STUM: variants seen among roughly 807,000 people sequenced by gnomAD.
STUM encodes protein stum homolog.
In STUM, 8 loss-of-function variants were observed where a neutral mutation model predicts 15.3. The observed-to-expected ratio is 0.52, with a 90% confidence interval of 0.31 to 0.94. STUM has a LOEUF of 0.94. STUM is among the 40% of genes least tolerant of loss of function. STUM has a pLI of 0.05. For synonymous variants in STUM, 78 were observed against 88.7 expected, an observed-to-expected ratio of 0.88 and a Z score of 0.68; for missense variants, 142 against 204.9, an observed-to-expected ratio of 0.69 and a Z score of 1.87.
rs576004724 is a variant in STUM, at chr1:226,588,238, A to G, written c.203-8564A>G. Among the ~76,000 whole-genome samples, 23 of 152,316 alleles carry G rather than the reference A, an allele frequency of 1.5e-4. No homozygotes were observed. In the South Asian group the frequency reaches 4.8e-3, roughly 32 times the overall value. On this transcript the variant is annotated intron_variant, in intron 1 of 3. Coordinates refer to ENST00000366788, the MANE Select transcript of STUM (RefSeq NM_001003665.4). ...ACTTTCTAGGGGAATGACTCGGTGC[A>G]GTTCTAGGGGAAGACACAGCCCCTC...
chr1:226,589,820 CAG>C (rs1414077579), intron 1 of STUM, among the ~76,000 whole-genome samples: 14 of 152,146 alleles, frequency 9.2e-5, no homozygotes, highest in Admixed American at 9.2e-4. Flanking sequence ...AGCCGTTGGA[CAG>C]AGTGAAAGGC....
intron 1 of STUM, among the ~76,000 whole-genome samples, chr1:226,579,331 C>A (rs548326243): frequency 4.2e-4 from 64 of 152,336 alleles, no homozygotes; most frequent in Middle Eastern, 3.4e-3. Flanking sequence ...TGCCAGCTCC[C>A]AACACATGAG....
chr1:226,572,912 A>G (rs959091224), intron 1 of STUM, among the ~76,000 whole-genome samples: 2 of 152,228 alleles, frequency 1.3e-5, no homozygotes, highest in Non-Finnish European at 2.9e-5. Flanking sequence ...CTCAGAGGCA[A>G]GAGGGACTCT....
Position 226,549,067 on chromosome 1 carries a change from G to T in STUM, c.163G>T (p.Val55Phe). The change falls in exon 1 of 4, where the codon GTC becomes TTC. Residue 55 changes from valine (V) to phenylalanine (F), a missense_variant. Val to Phe is a conservative substitution (Grantham distance 50). Transcript: ENST00000366788. The surrounding 1 kb of genome is among the most constrained non-coding windows in gnomAD (Gnocchi z 6.8). ...CCCCTACATGCCCTTCCCCGTGGCC[G>T]TCATCTGCCTCTTCCTCAACACTTT... ...AIPYMPFPVA[V>F]ICLFLNTFVP... The T allele has an allele frequency of 6.3e-7, 1 of 1,580,462 alleles. No individual in the cohort carries two copies. Among genetic ancestry groups the T allele is most frequent in the Non-Finnish European group, 8.6e-7 (1 of 1,166,070 alleles).
At chr1:226,566,035 G>A (rs924479197) in intron 1 of STUM, among the ~76,000 whole-genome samples, 3 of 152,128 alleles carry the variant, frequency 2.0e-5, no homozygotes, top group Non-Finnish European at 4.4e-5. Flanking sequence ...AGGACCTACC[G>A]TTTTGCATTT....
rs1171766087 is a variant in STUM at position 226,600,552 on chromosome 1, G to A, written c.383-114G>A. 7.7e-7 allele frequency: 1 copy of A among 1,304,192 alleles called. No individual in the cohort carries two copies. The highest frequency in any genetic ancestry group is 1.1e-6 in the Non-Finnish European group (1 of 912,084). 80.8% of individuals were successfully genotyped at this position (1,304,192 alleles called of 1,614,324 possible). A position where few individuals can be genotyped will look rare whatever the true frequency, so the allele number is the denominator to read the frequency against. The stretch of plus-strand genomic sequence containing the variant: ...GTCCCATCTCCCAGGCCTCACCATG[G>A]ATCTGCTTTGTTTCCTGTGCCAAGC... On this transcript the variant is annotated intron_variant, in intron 2 of 3. Transcript: ENST00000366788. The surrounding 1 kb of genome is among the most constrained non-coding windows in gnomAD (Gnocchi z 5.2).
At chr1:226,555,811 C>T (rs1393271115) in intron 1 of STUM, among the ~76,000 whole-genome samples, 1 of 152,190 alleles carries the variant, frequency 6.6e-6, no homozygotes, top group African/African-American at 2.4e-5. Flanking sequence ...TTATAATGAC[C>T]TGTAAGGACC....
Position 226,600,645 on chromosome 1 carries a change from T to G in STUM, c.383-21T>G, listed in dbSNP as rs2102714319. The G allele has an allele frequency of 3.7e-6, 6 of 1,610,950 alleles. No individual in the cohort carries two copies. In the East Asian group the frequency reaches 1.3e-4, roughly 36 times the overall value. ...TCTCTCTCCTCTTCCTCCTGCTGCC[T>G]CCCACTCTGTGCTGCTGCAGTTTCC... On this transcript the variant is annotated intron_variant, in intron 2 of 3. Coordinates refer to ENST00000366788, the MANE Select transcript of STUM (RefSeq NM_001003665.4). This position sits in a 1 kb window ranked among gnomAD's most constrained non-coding sequence, Gnocchi z 5.2.
Position 226,604,397 on chromosome 1 carries a change from C to G in STUM, c.*2357C>G, listed in dbSNP as rs1668324585. 1 of 152,250 alleles carries G rather than the reference C, an allele frequency of 6.6e-6. No individual in the cohort carries two copies. Among genetic ancestry groups the G allele is most frequent in the East Asian group, 1.9e-4 (1 of 5,192 alleles). 9.4% of individuals were successfully genotyped at this position (152,250 alleles called of 1,614,324 possible). On this transcript the variant is annotated 3_prime_UTR_variant, in exon 4 of 4. Transcript: ENST00000366788. This position sits in a 1 kb window ranked among gnomAD's most constrained non-coding sequence, Gnocchi z 4.7. Reference sequence around the variant, plus strand: ...CTCCCCCGAGGGCTGCGTCTCTAAACCTGGGAAAACATCAGCCTCAGGAGG... The same window carrying G: ...CTCCCCCGAGGGCTGCGTCTCTAAAGCTGGGAAAACATCAGCCTCAGGAGG...
intron 1 of STUM, among the ~76,000 whole-genome samples, chr1:226,576,102 A>G (rs1667810425): frequency 6.6e-6 from 1 of 152,272 alleles, no homozygotes; most frequent in Admixed American, 6.5e-5. Context: ...TCCTTGGCTC[A>G]GTAATCAGGT....
intron 1 of STUM, among the ~76,000 whole-genome samples, chr1:226,571,800 C>T (rs749170633): frequency 8.5e-5 from 13 of 152,148 alleles, no homozygotes; most frequent in African/African-American, 2.9e-4. Flanking sequence ...CCACCACCCT[C>T]AGCTAATTTT....
chr1:226,559,856 C>G (rs1667509358), intron 1 of STUM, among the ~76,000 whole-genome samples: 1 of 152,148 alleles, frequency 6.6e-6, no homozygotes, highest in Admixed American at 6.6e-5. Flanking sequence ...GCCTGTAGTC[C>G]CAGCTACTTG....
At position 226,608,452 on chromosome 1, in the gene STUM, C is replaced by T. The variant is rs905744606; in HGVS notation, c.*6412C>T. On this transcript the variant is annotated 3_prime_UTR_variant, in exon 4 of 4. Coordinates refer to ENST00000366788, the MANE Select transcript of STUM (RefSeq NM_001003665.4). This position sits in a 1 kb window ranked among gnomAD's most constrained non-coding sequence, Gnocchi z 4.0. ...TGCGTGGTGCCATTTTTTTTTTAAA[C>T]AACATATATAAAAACAAAACAACTG... 6.6e-6 allele frequency: 1 copy of T among 151,924 alleles called. No individual in the cohort carries two copies. The highest frequency in any genetic ancestry group is 2.4e-5 in the African/African-American group (1 of 41,336). 9.4% of individuals were successfully genotyped at this position (151,924 alleles called of 1,614,324 possible). A position where few individuals can be genotyped will look rare whatever the true frequency, so the allele number is the denominator to read the frequency against.
In STUM at chr1:226,596,841, G is replaced by T; in HGVS notation, c.242G>T (p.Arg81Leu). 6.2e-7 allele frequency: 1 copy of T among 1,614,198 alleles called. No homozygotes were observed. Among genetic ancestry groups the T allele is most frequent in the South Asian group, 1.1e-5 (1 of 91,084 alleles). ...VSAFTVLCGARTDLPDRHVCC... is the reference protein window; with the variant it reads ...VSAFTVLCGALTDLPDRHVCC... ...GCCTTCACTGTGCTGTGCGGGGCCCGCACCGACCTCCCGGACAGGCATGTG... is the reference window on the plus strand; with the variant it reads ...GCCTTCACTGTGCTGTGCGGGGCCCTCACCGACCTCCCGGACAGGCATGTG... Residue 81 changes from arginine (R) to leucine (L), a missense_variant, in exon 2 of 4, where the codon CGC becomes CTC. Transcript: ENST00000366788.
intron 1 of STUM, among the ~76,000 whole-genome samples, chr1:226,551,868 T>A (rs1258362489): frequency 6.6e-6 from 1 of 152,196 alleles, no homozygotes; most frequent in Non-Finnish European, 1.5e-5. Context: ...AAAGCCTCCC[T>A]GAGGGAGTAG....
chr1:226,594,974 G>A (rs924699310), intron 1 of STUM, among the ~76,000 whole-genome samples: 3 of 152,162 alleles, frequency 2.0e-5, no homozygotes, highest in East Asian at 3.9e-4. Flanking sequence ...GGACTTATGA[G>A]GGGAAGTTGG....
intron 1 of STUM, among the ~76,000 whole-genome samples, chr1:226,553,197 A>G (rs1424530991): frequency 6.6e-6 from 1 of 152,244 alleles, no homozygotes; most frequent in African/African-American, 2.4e-5. Flanking sequence ...AAATTGTTCA[A>G]CAGAATGAGA....
intron 1 of STUM, among the ~76,000 whole-genome samples, chr1:226,562,581 AG>A (rs1268708821): frequency 6.6e-6 from 1 of 152,182 alleles, no homozygotes; most frequent in Non-Finnish European, 1.5e-5. Flanking sequence ...ATATCCTGAG[AG>A]GAACACAATA....
intron 1 of STUM, among the ~76,000 whole-genome samples, chr1:226,594,112 T>G (rs918903358): frequency 2.0e-5 from 3 of 152,106 alleles, no homozygotes; most frequent in African/African-American, 7.2e-5. Flanking sequence ...CGAGGCAGGG[T>G]CAGTTTCAGA....
Sources: gnomAD v4.1 joint callset for allele counts (sites outside exome capture counted in the v4.1 genomes callset) on GRCh38, gnomAD v4.1.1 for gene constraint, Gnocchi (gnomAD v3.1) non-coding constraint, MANE v1.5 for transcripts, NCBI Gene and HGNC (gene_info 2026-07-23, HGNC 2026-07-21) for gene names.